TMEM74: variants seen among roughly 807,000 people sequenced by gnomAD.
The protein encoded by TMEM74 is transmembrane protein 74.
TMEM74 carries 13 observed loss-of-function variants against 18.1 expected under a neutral mutation model. That is an observed-to-expected ratio of 0.72 (90% CI 0.47 to 1.14). The LOEUF is 1.14. TMEM74 is among the 50% of genes most tolerant of loss of function. The pLI, the probability that TMEM74 is intolerant of heterozygous loss-of-function variation, is 0.00. For missense variants in TMEM74, 372 were observed against 375.9 expected (o/e 0.99, Z 0.09); for synonymous variants, 159 against 146.6 (o/e 1.08, Z -0.61).
chr8:108,615,696 G>A lies in TMEM74; in HGVS notation n.265-6870C>T, dbSNP rs79034348. On this transcript the variant is annotated intron_variant and non_coding_transcript_variant, in intron 2 of 3. Transcript: ENST00000518838. ...CGTGATGTTCATACCAGCATAAGAAGGTTTATCATGCTGAAGACCTCAGCA... is the reference window on the plus strand; with the variant it reads ...CGTGATGTTCATACCAGCATAAGAAAGTTTATCATGCTGAAGACCTCAGCA... 4.0e-3 allele frequency among the ~76,000 whole-genome samples: 603 copies of A among 152,128 alleles called. 4 individuals are homozygous for A. The highest frequency in any genetic ancestry group is 0.014 in the African/African-American group (569 of 41,502).
chr8:108,685,980 A>G (rs1813163621), intron 1 of TMEM74, among the ~76,000 whole-genome samples: 1 of 152,152 alleles, frequency 6.6e-6, no homozygotes, highest in Non-Finnish European at 1.5e-5. Context: ...AAGCCTGAAT[A>G]AAAGCTTTAA....
Position 108,687,038 on chromosome 8 carries a change from C to T in TMEM74, n.120-31601G>A, listed in dbSNP as rs148532372. On this transcript the variant is annotated intron_variant and non_coding_transcript_variant, in intron 1 of 3. Transcript: ENST00000518838. ...AAATTCAAGTTTAAATATTTCGATC[C>T]TAAATTCAAATTTAATTTGAATTTT... Among the ~76,000 whole-genome samples, 897 of 152,026 alleles carry T rather than the reference C, an allele frequency of 5.9e-3. 6 individuals are homozygous for T. Among genetic ancestry groups the T allele is most frequent in the African/African-American group, 0.02 (815 of 41,466 alleles).
At chr8:108,660,245 G>T (rs1282522591) in intron 1 of TMEM74, among the ~76,000 whole-genome samples, 1 of 152,100 alleles carries the variant, frequency 6.6e-6, no homozygotes, top group African/African-American at 2.4e-5. Flanking sequence ...TACCATTCTA[G>T]CTAGTTTCTC....
At chr8:108,631,665 G>A (rs985011438) in intron 2 of TMEM74, among the ~76,000 whole-genome samples, 2 of 151,996 alleles carry the variant, frequency 1.3e-5, no homozygotes, top group Admixed American at 1.3e-4. Flanking sequence ...CGTTCTGTAG[G>A]TTGTCTGTTT....
chr8:108,785,238 T>C, intron 1 of TMEM74, 101 bp from the exon 2 acceptor site: 1 of 837,386 alleles, frequency 1.2e-6, no homozygotes, highest in Non-Finnish European at 1.8e-6. Context: ...CAGCTGCACC[T>C]GTTTAGCCCC....
intron 1 of TMEM74, among the ~76,000 whole-genome samples, chr8:108,714,666 C>T (rs930463800): frequency 6.6e-6 from 1 of 152,114 alleles, no homozygotes. Flanking sequence ...ACCAATAATC[C>T]CATTACTCTA....
At chr8:108,775,583 TTC>T (rs1814224799), downstream of TMEM74, among the ~76,000 whole-genome samples, 1 of 152,218 alleles carries the variant, frequency 6.6e-6, no homozygotes, top group Non-Finnish European at 1.5e-5. Context: ...GACCCATGGC[TTC>T]TCTTTTTCAG....
intron 1 of TMEM74, among the ~76,000 whole-genome samples, chr8:108,684,724 TTG>T (rs1334542452): frequency 6.6e-6 from 1 of 151,710 alleles, no homozygotes; most frequent in Non-Finnish European, 1.5e-5. Flanking sequence ...GGGTCTTATA[TTG>T]TATCTTTGAT....
intron 1 of TMEM74, among the ~76,000 whole-genome samples, chr8:108,669,313 A>G (rs1411548523): frequency 6.6e-6 from 1 of 152,044 alleles, no homozygotes; most frequent in African/African-American, 2.4e-5. Flanking sequence ...CTCAAGAAGG[A>G]GCGGATATAA....
chr8:108,698,316 A>G (rs1813301406), intron 1 of TMEM74, among the ~76,000 whole-genome samples: 1 of 152,180 alleles, frequency 6.6e-6, no homozygotes, highest in Admixed American at 6.5e-5. Context: ...TAACTATTAG[A>G]CTGGATAGAA....
At chr8:108,676,383 T>A (rs1441611362) in intron 1 of TMEM74, among the ~76,000 whole-genome samples, 1 of 152,168 alleles carries the variant, frequency 6.6e-6, no homozygotes, top group Non-Finnish European at 1.5e-5. Flanking sequence ...CTGCCTTATT[T>A]CTGATGCACT....
intron 2 of TMEM74, among the ~76,000 whole-genome samples, chr8:108,654,236 C>A (rs1418057601): frequency 6.6e-6 from 1 of 152,140 alleles, no homozygotes; most frequent in African/African-American, 2.4e-5. Context: ...TAGGCCCAGG[C>A]ACCAGACTGC....
chr8:108,719,171 A>G (rs182767720), intron 1 of TMEM74, among the ~76,000 whole-genome samples: 46 of 152,212 alleles, frequency 3.0e-4, no homozygotes, highest in African/African-American at 1.1e-3. Context: ...TATAGGTTCA[A>G]TTGACATATT....
rs534946440 is a variant in TMEM74 at position 108,662,626 on chromosome 8, T to C, written n.120-7189A>G. Among the ~76,000 whole-genome samples, 139 of 152,280 alleles carry C rather than the reference T, an allele frequency of 9.1e-4. 1 individual carries two copies. The highest frequency in any genetic ancestry group is 3.1e-3 in the Admixed American group (47 of 15,276). On this transcript the variant is annotated intron_variant and non_coding_transcript_variant, in intron 1 of 3. Transcript: ENST00000518838. ...TCCATAGATGCCCAGTTATGTACTA[T>C]AGTGGTAAGCAGTGATGAGATTAGG...
At chr8:108,757,165 C>A (rs997409233) in intron 1 of TMEM74, among the ~76,000 whole-genome samples, 7 of 151,948 alleles carry the variant, frequency 4.6e-5, no homozygotes, top group Non-Finnish European at 8.8e-5. Flanking sequence ...ACAAGCTAAG[C>A]CTTTAAGCCC....
intron 1 of TMEM74, among the ~76,000 whole-genome samples, chr8:108,724,913 T>C (rs537427149): frequency 5.5e-4 from 84 of 152,354 alleles, no homozygotes; most frequent in African/African-American, 2.0e-3. Context: ...GACTCTCTGA[T>C]GGCTTCCCAA....
intron 1 of TMEM74, among the ~76,000 whole-genome samples, chr8:108,752,332 T>A (rs776601266): frequency 2.0e-5 from 3 of 152,098 alleles, no homozygotes; most frequent in Non-Finnish European, 4.4e-5. Flanking sequence ...CATACGGCTG[T>A]TGAGAGTAAA....
intron 2 of TMEM74, among the ~76,000 whole-genome samples, chr8:108,648,398 G>A (rs1812742063): frequency 2.0e-5 from 3 of 152,090 alleles, no homozygotes; most frequent in Admixed American, 2.0e-4. Context: ...CTGCCAGGTA[G>A]GTAAGAGAAG....
intron 1 of TMEM74, among the ~76,000 whole-genome samples, chr8:108,712,187 C>T (rs1047826930): frequency 1.8e-4 from 28 of 151,922 alleles, no homozygotes; most frequent in African/African-American, 6.8e-4. Flanking sequence ...AGAACCAGGG[C>T]GTAATAAGAC....
Sources: gnomAD v4.1 joint callset for allele counts (sites outside exome capture counted in the v4.1 genomes callset) on GRCh38, gnomAD v4.1.1 for gene constraint, MANE v1.5 for transcripts, NCBI Gene and HGNC (gene_info 2026-07-23, HGNC 2026-07-21) for gene names.